SERTAD2: variants seen among roughly 807,000 people sequenced by gnomAD.
SERTAD2 encodes SERTA domain-containing protein 2.
In SERTAD2, 2 loss-of-function variants were observed where a neutral mutation model predicts 15.4. The ratio of observed to expected loss-of-function variants is 0.13; its 90% confidence interval spans 0.05 to 0.41. The LOEUF (loss-of-function observed/expected upper bound fraction) is 0.41, where lower values mean the gene tolerates loss of function less well. Ranked by LOEUF, SERTAD2 falls within the 10% of genes least tolerant of loss-of-function variation. The probability of loss-of-function intolerance (pLI) is 0.99; values close to 1 mark genes in which losing one functional copy is unlikely to be tolerated. For missense variants in SERTAD2, 333 were observed against 409.7 expected, an observed-to-expected ratio of 0.81 and a Z score of 1.62; for synonymous variants, 180 against 178.0, an observed-to-expected ratio of 1.01 and a Z score of -0.09.
At chr2:64,649,626 C>T (rs181465063) in intron 1 of SERTAD2, among the ~76,000 whole-genome samples, 1 of 152,312 alleles carries the variant, frequency 6.6e-6, no homozygotes, top group East Asian at 1.9e-4. Flanking sequence ...CTCTGCAAAG[C>T]TACAGGTTTT....
intron 1 of SERTAD2, among the ~76,000 whole-genome samples, chr2:64,652,602 C>G (rs1261667166): frequency 6.6e-6 from 1 of 152,188 alleles, no homozygotes; most frequent in East Asian, 1.9e-4. Context: ...ACCCTAAGCC[C>G]AACTGAGGCT....
chr2:64,642,143 C>A (rs369759696), intron 1 of SERTAD2, among the ~76,000 whole-genome samples: 1 of 152,208 alleles, frequency 6.6e-6, no homozygotes, highest in African/African-American at 2.4e-5. Context: ...GAATGAACAG[C>A]ATTTTTGTGA....
At position 64,635,847 on chromosome 2, in the gene SERTAD2, G is replaced by A. The variant is rs190115422; in HGVS notation, c.*80C>T. 98 of 1,097,964 alleles carry A rather than the reference G, an allele frequency of 8.9e-5. No individual in the cohort carries two copies. The East Asian group carries it at 1.3e-3, about 14-fold the overall frequency. The allele number at this position is 1,097,964 out of a possible 1,614,324, so 68.0% of individuals were successfully genotyped here. A position where few individuals can be genotyped will look rare whatever the true frequency, so the allele number is the denominator to read the frequency against. On this transcript the variant is annotated 3_prime_UTR_variant, in exon 2 of 2. Transcript: ENST00000313349. ...TTCTCTGAAAAAGGCAAGCAAGGGT[G>A]CATGCACAGTGTGGAGAACTGTCAG...
At chr2:64,649,238 T>G (rs1674962038) in intron 1 of SERTAD2, among the ~76,000 whole-genome samples, 1 of 152,178 alleles carries the variant, frequency 6.6e-6, no homozygotes, top group Non-Finnish European at 1.5e-5. Flanking sequence ...AAGGGTGGGG[T>G]ACACCAGCAG....
intron 1 of SERTAD2, among the ~76,000 whole-genome samples, chr2:64,642,136 T>C (rs568705973): frequency 1.3e-5 from 2 of 152,366 alleles, no homozygotes; most frequent in Non-Finnish European, 2.9e-5. Context: ...CAAAAAGGAA[T>C]GAACAGCATT....
At chr2:64,637,615 A>C (rs1384396044) in intron 1 of SERTAD2, among the ~76,000 whole-genome samples, 5 of 152,196 alleles carry the variant, frequency 3.3e-5, no homozygotes, top group Non-Finnish European at 7.3e-5. Context: ...AGACAACTGG[A>C]TTAATTTTGA....
chr2:64,652,610 G>A (rs1251412855), intron 1 of SERTAD2, among the ~76,000 whole-genome samples: 1 of 152,134 alleles, frequency 6.6e-6, no homozygotes, highest in East Asian at 1.9e-4. Context: ...CCCAACTGAG[G>A]CTGCCCAATT....
In SERTAD2 at chr2:64,636,685, C is replaced by T. The variant is rs771819559; in HGVS notation, c.187G>A (p.Val63Ile). 11 of 1,613,978 alleles carry T rather than the reference C, an allele frequency of 6.8e-6. 1 individual carries two copies. Among genetic ancestry groups the T allele is most frequent in the Admixed American group, 5.0e-5 (3 of 59,992 alleles). Residue 63 changes from valine (V) to isoleucine (I), a missense_variant, in exon 2 of 2, where the codon GTT becomes ATT. By Grantham distance (29) the Val-to-Ile change is conservative. Around this residue, in one of 2 missense-constraint regions of SERTAD2, gnomAD observed 332 missense variants for 392.9 expected, o/e 0.84. Transcript: ENST00000313349. ...CGCCTCAACATGTTGTTAATTAAAA[C>T]GGTCTTTTGCAAGCTGGGCTCTGTC... is the stretch of plus-strand genomic sequence containing the variant. ...PLTEPSLQKTVLINNMLRRIQ... is the reference protein window; with the variant it reads ...PLTEPSLQKTILINNMLRRIQ...
At chr2:64,642,720 T>A (rs914316143) in intron 1 of SERTAD2, among the ~76,000 whole-genome samples, 1 of 151,922 alleles carries the variant, frequency 6.6e-6, no homozygotes, top group Admixed American at 6.6e-5. Context: ...AGACCCTGGG[T>A]TGGGGGGGCA....
At chr2:64,638,057 A>T (rs1182284076) in intron 1 of SERTAD2, among the ~76,000 whole-genome samples, 1 of 152,192 alleles carries the variant, frequency 6.6e-6, no homozygotes, top group East Asian at 1.9e-4. Flanking sequence ...TCGGACCAGG[A>T]TCGTGGTTCG....
chr2:64,635,630 T>C lies in SERTAD2; in HGVS notation c.*297A>G. ...AGCTTTTCCAACTTAATCCTTGTGCTTCACTTGAACTGTTTATTTTTGTCA... is the reference window on the plus strand; with the variant it reads ...AGCTTTTCCAACTTAATCCTTGTGCCTCACTTGAACTGTTTATTTTTGTCA... On this transcript the variant is annotated 3_prime_UTR_variant, in exon 2 of 2. Coordinates refer to ENST00000313349, the MANE Select transcript of SERTAD2 (RefSeq NM_014755.3). 3.6e-6 allele frequency: 1 copy of C among 277,512 alleles called. No homozygotes were observed. The highest frequency in any genetic ancestry group is 6.9e-6 in the Non-Finnish European group (1 of 145,642). 17.2% of individuals were successfully genotyped at this position (277,512 alleles called of 1,614,324 possible).
At position 64,632,072 on chromosome 2, in the gene SERTAD2, C is replaced by T. The variant is rs1674544306; in HGVS notation, c.*3855G>A. 6.6e-6 allele frequency: 1 copy of T among 152,622 alleles called. No individual in the cohort carries two copies. The highest frequency in any genetic ancestry group is 6.5e-5 in the Admixed American group (1 of 15,284). 9.5% of individuals were successfully genotyped at this position (152,622 alleles called of 1,614,324 possible). ...TACATAAGCAGGATGCACACAACTC[C>T]ATGCCTCCAGGTGCGGGGCAGTTAC... On this transcript the variant is annotated 3_prime_UTR_variant, in exon 2 of 2. Transcript: ENST00000313349.
intron 1 of SERTAD2, among the ~76,000 whole-genome samples, chr2:64,648,347 A>T (rs1462876716): frequency 3.3e-5 from 5 of 152,226 alleles, no homozygotes; most frequent in African/African-American, 1.2e-4. Flanking sequence ...TCACACACAG[A>T]CAATAATTGT....
intron 1 of SERTAD2, 33 bp from the exon 2 acceptor site, chr2:64,636,908 T>C (rs779281483): frequency 6.9e-7 from 1 of 1,458,226 alleles, no homozygotes; most frequent in Non-Finnish European, 9.4e-7. Context: ...ATGGCATTAA[T>C]CACATGAAAG....
Position 64,636,638 on chromosome 2 carries a change from C to T in SERTAD2, c.234G>A (p.Gln78=). The T allele has an allele frequency of 6.2e-7, 1 of 1,613,888 alleles. No individual in the cohort carries two copies. Among genetic ancestry groups the T allele is most frequent in the Non-Finnish European group, 8.5e-7 (1 of 1,179,876 alleles). The stretch of plus-strand genomic sequence containing the variant: ...TGAACATGGGCCTCAGGCTGCCTTC[C>T]TGTTTGAGTTCCTCCTGGATCCGCC... ...MLRRIQEELK[Q]EGSLRPMFTP... The change falls in exon 2 of 2, where the codon CAG becomes CAA. Residue 78 remains glutamine, a synonymous_variant. Transcript: ENST00000313349.
intron 1 of SERTAD2, among the ~76,000 whole-genome samples, chr2:64,651,727 A>C (rs901329854): frequency 9.2e-5 from 14 of 152,340 alleles, no homozygotes; most frequent in African/African-American, 3.4e-4. Flanking sequence ...TAGTTCTTCA[A>C]GGGAAACAAG....
chr2:64,639,910 T>C (rs976023167), intron 1 of SERTAD2, among the ~76,000 whole-genome samples: 5 of 152,202 alleles, frequency 3.3e-5, no homozygotes, highest in Admixed American at 6.5e-5. Flanking sequence ...TCTGTAATGC[T>C]GCCTGGAAGG....
Position 64,636,882 on chromosome 2 carries a change from A to AGG in SERTAD2, c.-4-9_-4-8dup, listed in dbSNP as rs1558651957. The AGG allele has an allele frequency of 6.4e-7, 1 of 1,573,556 alleles. No homozygotes were observed. Among genetic ancestry groups the AGG allele is most frequent in the Admixed American group, 1.8e-5 (1 of 56,828 alleles). On this transcript the variant is annotated splice_polypyrimidine_tract_variant and splice_region_variant and intron_variant, in intron 1 of 1. Coordinates refer to ENST00000313349, the MANE Select transcript of SERTAD2 (RefSeq NM_014755.3). ...TCCTTTACCCAACATATATCTGCAG[A>AGG]GGGGAGAGAGAGGAAATGGCATTAA...
intron 1 of SERTAD2, among the ~76,000 whole-genome samples, chr2:64,637,864 C>T (rs973135464): frequency 1.3e-5 from 2 of 152,232 alleles, no homozygotes; most frequent in African/African-American, 2.4e-5. Flanking sequence ...TTAGTGAATA[C>T]ATTTTATCAA....
Sources: allele counts gnomAD v4.1 joint callset (sites outside exome capture counted in the v4.1 genomes callset), GRCh38; gene constraint gnomAD v4.1.1; regional missense constraint gnomAD v4.1.1; transcripts MANE v1.5; gene names NCBI Gene and HGNC (gene_info 2026-07-23, HGNC 2026-07-21).